Variants in BTBD1 observed in about 807,000 individuals in gnomAD.
BTBD1 encodes the protein BTB domain containing 1, also known as BTB/POZ domain-containing protein 1.
A neutral mutation model predicts 48.0 loss-of-function variants in BTBD1; 34 were observed. That is an observed-to-expected ratio of 0.71 (90% CI 0.54 to 0.94). The LOEUF (loss-of-function observed/expected upper bound fraction) is 0.94, where lower values mean the gene tolerates loss of function less well. BTBD1 is among the 40% of genes least tolerant of loss of function. The pLI, the probability that BTBD1 is intolerant of heterozygous loss-of-function variation, is 0.00. For missense variants in BTBD1, 543 were observed against 625.6 expected (o/e 0.87, Z 1.41); for synonymous variants, 261 against 242.1 (o/e 1.08, Z -0.72).
At position 83,042,345 on chromosome 15, in the gene BTBD1, ATT is replaced by A. The variant is rs772214886; in HGVS notation, c.665-422_665-421del. Reference sequence around the variant, plus strand: ...ACTACGTGCCAGGTACTATTAGGCAATTTTATATATATATATATATATATATA... The same window carrying A: ...ACTACGTGCCAGGTACTATTAGGCAATTATATATATATATATATATATATA... On this transcript the variant is annotated intron_variant, in intron 3 of 7. Transcript: ENST00000261721. 2.9e-3 allele frequency among the ~76,000 whole-genome samples: 220 copies of A among 76,068 alleles called. 3 individuals carry two copies. The highest frequency in any genetic ancestry group is 0.012 in the African/African-American group (206 of 16,488). The allele number at this position is 76,068 out of a possible 152,430, so 49.9% of individuals were successfully genotyped here. A position where few individuals can be genotyped will look rare whatever the true frequency, so the allele number is the denominator to read the frequency against.
intron 5 of BTBD1, among the ~76,000 whole-genome samples, chr15:83,029,097 A>G (rs1053077478): frequency 2.0e-5 from 3 of 147,608 alleles, no homozygotes; most frequent in African/African-American, 5.0e-5. Context: ...GCCTCATCCC[A>G]TAATTTTTGC....
At chr15:83,057,423 T>C (rs77719086) in intron 1 of BTBD1, among the ~76,000 whole-genome samples, 3,507 of 152,320 alleles carry the variant, frequency 0.023, 59 homozygotes, top group Middle Eastern at 0.041. Flanking sequence ...ACAAAGCATT[T>C]TGAATAACGC....
chr15:83,036,073 A>G (rs898405973), intron 4 of BTBD1, among the ~76,000 whole-genome samples: 10 of 150,030 alleles, frequency 6.7e-5, no homozygotes, highest in African/African-American at 2.4e-4. Context: ...CACTATATTC[A>G]CAGAATAAGG....
At chr15:83,065,726 TTG>T (rs1252166922) in intron 1 of BTBD1, among the ~76,000 whole-genome samples, 3 of 152,236 alleles carry the variant, frequency 2.0e-5, no homozygotes, top group Admixed American at 6.5e-5. Flanking sequence ...TCAGTCCCAT[TTG>T]TGAAATTGGG....
chr15:83,057,164 C>T (rs1249767423), intron 1 of BTBD1, among the ~76,000 whole-genome samples: 2 of 152,118 alleles, frequency 1.3e-5, no homozygotes, highest in Non-Finnish European at 2.9e-5. Flanking sequence ...GGTGCTATTC[C>T]CTGCATTTTA....
At chr15:83,037,922 A>G (rs1233425027) in intron 4 of BTBD1, among the ~76,000 whole-genome samples, 2 of 152,066 alleles carry the variant, frequency 1.3e-5, no homozygotes, top group African/African-American at 2.4e-5. Context: ...CATCTCTACT[A>G]AAAATACAAA....
chr15:83,025,991 G>A (rs564967568), intron 5 of BTBD1, among the ~76,000 whole-genome samples: 5 of 152,092 alleles, frequency 3.3e-5, no homozygotes, highest in African/African-American at 9.6e-5. Flanking sequence ...GGATGGTCTC[G>A]ATCTCTTGAC....
Position 83,041,821 on chromosome 15 carries a change from A to T in BTBD1, c.769T>A (p.Leu257Ile). The change falls in exon 4 of 8, where the codon TTA becomes ATA. Residue 257 changes from leucine (L) to isoleucine (I), a missense_variant. Physicochemically the swap from Leu to Ile is conservative, Grantham distance 5. Around this residue, in one of 3 missense-constraint regions of BTBD1, gnomAD observed 300 missense variants for 350.0 expected, o/e 0.86. Coordinates refer to ENST00000261721, the MANE Select transcript of BTBD1 (RefSeq NM_025238.4). ...TGTTTATTCCCAAAAGTCACAGGTA[A>T]TTGTTGTCTCTGACATTCTGCTTCT... ...WAEAECQRQQLPVTFGNKQKV... is the reference protein window; with the variant it reads ...WAEAECQRQQIPVTFGNKQKV... 6.2e-7 allele frequency: 1 copy of T among 1,614,160 alleles called. No individual in the cohort carries two copies. The highest frequency in any genetic ancestry group is 8.5e-7 in the Non-Finnish European group (1 of 1,180,006).
Position 83,066,697 on chromosome 15 carries a change from A to AGCCCG in BTBD1, c.401+49_401+53dup, listed in dbSNP as rs66531444. The AGCCCG allele has an allele frequency of 7.2e-4, 900 of 1,252,164 alleles. 1 individual carries two copies. Among genetic ancestry groups the AGCCCG allele is most frequent in the African/African-American group, 2.6e-3 (160 of 61,822 alleles). 77.6% of individuals were successfully genotyped at this position (1,252,164 alleles called of 1,614,324 possible). On this transcript the variant is annotated intron_variant, in intron 1 of 7. Transcript: ENST00000261721. ...GTAGGCCGGGCCCCGGGGATCTCCCAGCCCGGCCCGGCCCGGCCCGGCCCG... is the reference window on the plus strand; with the variant it reads ...GTAGGCCGGGCCCCGGGGATCTCCCAGCCCGGCCCGGCCCGGCCCGGCCCGGCCCG...
In BTBD1 at chr15:83,067,038, G is replaced by T. The variant is rs1286336303; in HGVS notation, c.114C>A (p.Leu38=). The change falls in exon 1 of 8, where the codon CTC becomes CTA. Residue 38 remains leucine (L), a synonymous_variant. Transcript: ENST00000261721. ...TGTAGAGAGGTTCCCGCTGCAGGGG[G>T]AGCAGGGGCCCCAGAGAGGACGGTG... ...PPSPSSLGPL[L]PLQREPLYNW... 6.3e-7 allele frequency: 1 copy of T among 1,582,628 alleles called. No individual in the cohort carries two copies. The highest frequency in any genetic ancestry group is 1.4e-5 in the African/African-American group (1 of 71,286).
At chr15:83,019,883 T>C (rs1214763562) in intron 6 of BTBD1, among the ~76,000 whole-genome samples, 2 of 144,214 alleles carry the variant, frequency 1.4e-5, no homozygotes, top group Non-Finnish European at 3.0e-5. Context: ...GGCAGGAGAA[T>C]TGTGTGAACC....
Position 83,017,689 on chromosome 15 carries a change from T to TG in BTBD1, c.*377_*378insC, listed in dbSNP as rs1484874638. The TG allele has an allele frequency of 6.5e-6, 1 of 153,504 alleles. No individual in the cohort carries two copies. The highest frequency in any genetic ancestry group is 1.5e-5 in the Non-Finnish European group (1 of 68,722). The allele number at this position is 153,504 out of a possible 1,614,324, so 9.5% of individuals were successfully genotyped here. The stretch of plus-strand genomic sequence containing the variant: ...AAATAGTTAAGCCTATTTGCCCATC[T>TG]CACCTAACCTTCAAAATAGTTAAAA... On this transcript the variant is annotated 3_prime_UTR_variant, in exon 8 of 8. Coordinates refer to ENST00000261721, the MANE Select transcript of BTBD1 (RefSeq NM_025238.4).
chr15:83,051,877 T>TATACACACACACACAC (rs1555441191), intron 2 of BTBD1, among the ~76,000 whole-genome samples: 9,199 of 138,714 alleles, frequency 0.066, 374 homozygotes, highest in Admixed American at 0.11. Flanking sequence ...TCCATATATA[T>TATACACACACACACAC]ACACACACAC....
chr15:83,026,517 C>CTT (rs563990083), intron 5 of BTBD1, among the ~76,000 whole-genome samples: 417 of 88,244 alleles, frequency 4.7e-3, no homozygotes, highest in Middle Eastern at 7.0e-3. Flanking sequence ...TTTTTTAGTG[C>CTT]TTTTTTTTTT....
At chr15:83,037,794 T>A (rs1257146276) in intron 4 of BTBD1, among the ~76,000 whole-genome samples, 1 of 152,096 alleles carries the variant, frequency 6.6e-6, no homozygotes, top group Non-Finnish European at 1.5e-5. Flanking sequence ...CCCTAAAGAT[T>A]CCACCAGGCC....
intron 4 of BTBD1, among the ~76,000 whole-genome samples, chr15:83,032,883 A>T (rs2032547252): frequency 6.7e-6 from 1 of 149,876 alleles, no homozygotes. Context: ...GAGGCAGGAG[A>T]ATCACTTGAA....
At chr15:83,059,749 A>AT (rs916101009) in intron 1 of BTBD1, among the ~76,000 whole-genome samples, 24 of 150,822 alleles carry the variant, frequency 1.6e-4, no homozygotes, top group Non-Finnish European at 3.0e-4. Flanking sequence ...GGCTCAGCTC[A>AT]TTTTTTTTTA....
At chr15:83,029,889 T>C in intron 5 of BTBD1, 3 of 463,998 alleles carry the variant, frequency 6.5e-6, no homozygotes, top group East Asian at 8.3e-5. Context: ...AAAAATCACG[T>C]AACAGAAGGT....
chr15:83,055,022 A>G (rs529358575), intron 2 of BTBD1, among the ~76,000 whole-genome samples: 15 of 152,332 alleles, frequency 9.8e-5, no homozygotes, highest in African/African-American at 3.6e-4. Flanking sequence ...GGGGCCATCA[A>G]TAATTATTTC....
Sources: allele counts gnomAD v4.1 joint callset (sites outside exome capture counted in the v4.1 genomes callset), GRCh38; gene constraint gnomAD v4.1.1; regional missense constraint gnomAD v4.1.1; transcripts MANE v1.5; gene names NCBI Gene and HGNC (gene_info 2026-07-23, HGNC 2026-07-21).